The following ARB2A variants were observed in gnomAD, a reference collection of about 807,000 sequenced individuals.
ARB2A encodes the protein cotranscriptional regulator ARB2A.
the ARB2A span, among the ~76,000 whole-genome samples, chr5:93,833,537 A>AT: frequency 6.6e-6 from 1 of 152,248 alleles, no homozygotes; most frequent in Non-Finnish European, 1.5e-5. Flanking sequence ...CTTATCTGAT[A>AT]TGTAGTGTAA....
the ARB2A span, among the ~76,000 whole-genome samples, chr5:94,082,698 AT>A: frequency 1.4e-3 from 208 of 146,098 alleles, no homozygotes; most frequent in Middle Eastern, 3.5e-3. Flanking sequence ...TTCAGAATAG[AT>A]TTTTTTTTTT....
chr5:93,664,884 T>C, the ARB2A span, among the ~76,000 whole-genome samples: 1 of 152,086 alleles, frequency 6.6e-6, no homozygotes, highest in African/African-American at 2.4e-5. Context: ...TGGAGTGCAA[T>C]GGCACAATCT....
the ARB2A span, among the ~76,000 whole-genome samples, chr5:93,708,510 C>A: frequency 6.6e-6 from 1 of 152,112 alleles, no homozygotes; most frequent in African/African-American, 2.4e-5. Flanking sequence ...GATCATCATG[C>A]GTTAGATTCT....
chr5:94,111,535 G>T, the ARB2A span: 1 of 152,444 alleles, frequency 6.6e-6, no homozygotes, highest in Non-Finnish European at 1.5e-5. Context: ...CAGCCACAGG[G>T]CTGAGGGGGC....
the ARB2A span, among the ~76,000 whole-genome samples, chr5:94,104,312 A>G: frequency 6.6e-6 from 1 of 151,768 alleles, no homozygotes; most frequent in African/African-American, 2.4e-5. Flanking sequence ...CAGAAATGAC[A>G]AAGTGAACAT....
At chr5:93,813,895 C>T in the ARB2A span, among the ~76,000 whole-genome samples, 7 of 152,180 alleles carry the variant, frequency 4.6e-5, no homozygotes, top group South Asian at 4.1e-4. Flanking sequence ...AACTTAATCA[C>T]AGAAAACATA....
chr5:94,107,978 C>CT, the ARB2A span, among the ~76,000 whole-genome samples: 2 of 152,088 alleles, frequency 1.3e-5, no homozygotes, highest in Non-Finnish European at 2.9e-5. Flanking sequence ...TCTGGGTCCC[C>CT]TCTCCTCTGC....
At chr5:93,737,245 C>T in the ARB2A span, 1 of 152,056 alleles carries the variant, frequency 6.6e-6, no homozygotes, top group Non-Finnish European at 1.5e-5. Flanking sequence ...AAGTGAAAGG[C>T]TTGTACACTG....
the ARB2A span, among the ~76,000 whole-genome samples, chr5:94,101,350 T>C: frequency 4.0e-5 from 6 of 151,662 alleles, no homozygotes; most frequent in African/African-American, 1.5e-4. Context: ...TCGGTAGGAG[T>C]GTAAATCTGT....
At chr5:94,086,770 C>T in the ARB2A span, among the ~76,000 whole-genome samples, 2 of 152,260 alleles carry the variant, frequency 1.3e-5, no homozygotes, top group Non-Finnish European at 2.9e-5. Context: ...CCAGGCTGGT[C>T]TTGAACTCCT....
chr5:94,000,543 AT>A, the ARB2A span, among the ~76,000 whole-genome samples: 4 of 151,924 alleles, frequency 2.6e-5, no homozygotes, highest in Admixed American at 1.3e-4. Context: ...GATCTTTGTT[AT>A]TTTCAATAAC....
the ARB2A span, among the ~76,000 whole-genome samples, chr5:93,833,721 CTAAA>C: frequency 6.6e-6 from 1 of 152,236 alleles, no homozygotes; most frequent in East Asian, 1.9e-4. Flanking sequence ...GCTTTTTATA[CTAAA>C]CAAGTAAACA....
chr5:94,104,218 C>T, the ARB2A span, among the ~76,000 whole-genome samples: 1 of 151,146 alleles, frequency 6.6e-6, no homozygotes, highest in Non-Finnish European at 1.5e-5. Context: ...ACCAAAACGT[C>T]GTTCTCTGAA....
At chr5:93,626,558 G>T in the ARB2A span, among the ~76,000 whole-genome samples, 3 of 152,150 alleles carry the variant, frequency 2.0e-5, no homozygotes, top group African/African-American at 7.2e-5. Context: ...GTAATTAGGT[G>T]AATCACACTT....
chr5:93,789,126 T>G, the ARB2A span, among the ~76,000 whole-genome samples: 9 of 152,234 alleles, frequency 5.9e-5, no homozygotes, highest in Admixed American at 2.0e-4. Flanking sequence ...AAAAAATATT[T>G]TAAAGTCTTC....
At chr5:93,626,183 A>G in the ARB2A span, among the ~76,000 whole-genome samples, 1 of 152,214 alleles carries the variant, frequency 6.6e-6, no homozygotes, top group Non-Finnish European at 1.5e-5. Flanking sequence ...ATCTATTTTT[A>G]AATGAAGACA....
chr5:93,947,887 G>C, the ARB2A span, among the ~76,000 whole-genome samples: 1 of 151,790 alleles, frequency 6.6e-6, no homozygotes, highest in Non-Finnish European at 1.5e-5. Flanking sequence ...TGGTGTATAT[G>C]TGCCACATTT....
the ARB2A span, among the ~76,000 whole-genome samples, chr5:93,708,008 C>T: frequency 5.3e-5 from 8 of 152,320 alleles, no homozygotes; most frequent in African/African-American, 1.9e-4. Flanking sequence ...TTCAGTAGTG[C>T]TATGAATGCC....
chr5:94,025,184 A>G, the ARB2A span, among the ~76,000 whole-genome samples: 1 of 152,228 alleles, frequency 6.6e-6, no homozygotes, highest in Admixed American at 6.5e-5. Flanking sequence ...TTGGTCTGCC[A>G]TAACAAAATA....
Sources: allele counts gnomAD v4.1 joint callset (sites outside exome capture counted in the v4.1 genomes callset), GRCh38; gene constraint gnomAD v4.1.1; transcripts MANE v1.5; gene names NCBI Gene and HGNC (gene_info 2026-07-23, HGNC 2026-07-21).